KIAA0319: variants seen among roughly 807,000 people sequenced by gnomAD.
KIAA0319 encodes dyslexia-associated protein KIAA0319.
Under a neutral mutation model 108.4 loss-of-function variants are expected in KIAA0319, and 83 were observed. The observed-to-expected ratio is 0.77, with a 90% CI of 0.64 to 0.92. The LOEUF (loss-of-function observed/expected upper bound fraction) is 0.92, where lower values mean the gene tolerates loss of function less well. KIAA0319 is among the 40% of genes least tolerant of loss of function. The probability of loss-of-function intolerance (pLI) is 0.00; values close to 1 mark genes in which losing one functional copy is unlikely to be tolerated. For missense variants in KIAA0319, 1,195 were observed against 1,322.4 expected (o/e 0.90, Z 1.49); for synonymous variants, 484 against 510.4 (o/e 0.95, Z 0.70).
At chr6:24,626,486 C>G (rs993793211) in intron 1 of KIAA0319, among the ~76,000 whole-genome samples, 1 of 152,018 alleles carries the variant, frequency 6.6e-6, no homozygotes, top group African/African-American at 2.4e-5. Flanking sequence ...GAGCAGAGAT[C>G]GTGCCACTGC....
chr6:24,627,439 C>T (rs900270369), intron 1 of KIAA0319, among the ~76,000 whole-genome samples: 2 of 147,628 alleles, frequency 1.4e-5, no homozygotes, highest in African/African-American at 2.5e-5. Context: ...TCTTAGTGAG[C>T]ATTTTCCCTC....
chr6:24,634,643 A>G (rs1775976528), intron 1 of KIAA0319, among the ~76,000 whole-genome samples: 1 of 152,240 alleles, frequency 6.6e-6, no homozygotes. Flanking sequence ...GGGATTTTGC[A>G]GATATAATTA....
chr6:24,551,909 G>A (rs190392661), intron 19 of KIAA0319, among the ~76,000 whole-genome samples: 2 of 152,228 alleles, frequency 1.3e-5, no homozygotes, highest in African/African-American at 4.8e-5. Flanking sequence ...TATGTCCAAT[G>A]CTGCAGTAAT....
Position 24,599,402 on chromosome 6 carries a change from T to A in KIAA0319, c.55+1647A>T. On this transcript the variant is annotated intron_variant, in intron 2 of 20. Coordinates refer to ENST00000378214, the MANE Select transcript of KIAA0319 (RefSeq NM_014809.4). The surrounding 1 kb of genome is among the most constrained non-coding windows in gnomAD (Gnocchi z 4.1). Reference sequence around the variant, plus strand: ...GGGAGCTGGCCATTAAGGATGCCAATGCCAAGCTGTCCAAGCTGGAGGCCA... The same window carrying A: ...GGGAGCTGGCCATTAAGGATGCCAAAGCCAAGCTGTCCAAGCTGGAGGCCA... 1 of 546,622 alleles carries A rather than the reference T, an allele frequency of 1.8e-6. No homozygotes were observed. 33.9% of individuals were successfully genotyped at this position (546,622 alleles called of 1,614,324 possible).
At chr6:24,642,186 A>AAGAG (rs10684483) in intron 1 of KIAA0319, among the ~76,000 whole-genome samples, 94,259 of 137,508 alleles carry the variant, frequency 0.69, 32,976 homozygotes, top group East Asian at 0.87. Flanking sequence ...GAAAGAAAGA[A>AAGAG]AGAGAGAAAG....
At chr6:24,561,709 A>T (rs1398650238) in intron 16 of KIAA0319, among the ~76,000 whole-genome samples, 4 of 144,496 alleles carry the variant, frequency 2.8e-5, no homozygotes, top group Non-Finnish European at 6.1e-5. Context: ...TGCCTGGCTA[A>T]TTTTTTTTTT....
In KIAA0319 at chr6:24,599,378, G is replaced by C; in HGVS notation, c.55+1671C>G. The C allele has an allele frequency of 1.8e-6, 1 of 542,246 alleles. No individual in the cohort carries two copies. The allele number at this position is 542,246 out of a possible 1,614,324, so 33.6% of individuals were successfully genotyped here. A position where few individuals can be genotyped will look rare whatever the true frequency, so the allele number is the denominator to read the frequency against. On this transcript the variant is annotated intron_variant, in intron 2 of 20. Coordinates refer to ENST00000378214, the MANE Select transcript of KIAA0319 (RefSeq NM_014809.4). The surrounding 1 kb of genome is among the most constrained non-coding windows in gnomAD (Gnocchi z 4.1). The stretch of plus-strand genomic sequence containing the variant: ...CCATTGTGGATGCGGAGAAGCGTGG[G>C]GAGCTGGCCATTAAGGATGCCAATG...
chr6:24,618,215 G>A (rs1359451758), intron 1 of KIAA0319, among the ~76,000 whole-genome samples: 1 of 152,076 alleles, frequency 6.6e-6, no homozygotes, highest in Non-Finnish European at 1.5e-5. Flanking sequence ...GTTGTCCTGA[G>A]TTGTCAGTGC....
At chr6:24,636,445 T>C (rs1484772178) in intron 1 of KIAA0319, among the ~76,000 whole-genome samples, 1 of 152,214 alleles carries the variant, frequency 6.6e-6, no homozygotes, top group Non-Finnish European at 1.5e-5. Flanking sequence ...TACTAGCTTG[T>C]TATAACTTGT....
intron 14 of KIAA0319, among the ~76,000 whole-genome samples, 171 bp downstream of exon 14, chr6:24,566,426 G>C (rs1763908156): frequency 6.6e-6 from 1 of 152,326 alleles, no homozygotes; most frequent in Non-Finnish European, 1.5e-5. Context: ...AGCAACTTGA[G>C]CCTGTCTTCC....
intron 7 of KIAA0319, 110 bp from the exon 8 acceptor site, chr6:24,580,060 G>A (rs911553967): frequency 3.7e-6 from 3 of 821,444 alleles, no homozygotes; most frequent in Admixed American, 2.5e-5. Flanking sequence ...CTGTCAAGAA[G>A]GTGTTTATCC....
intron 1 of KIAA0319, among the ~76,000 whole-genome samples, chr6:24,637,377 C>A (rs1049799854): frequency 6.6e-6 from 1 of 152,174 alleles, no homozygotes; most frequent in Admixed American, 6.5e-5. Flanking sequence ...GGCGACTTTT[C>A]AAGAGTTTCA....
At chr6:24,584,025 C>T (rs1239024621) in intron 4 of KIAA0319, among the ~76,000 whole-genome samples, 1 of 152,072 alleles carries the variant, frequency 6.6e-6, no homozygotes, top group Non-Finnish European at 1.5e-5. Context: ...CCATTTTCTC[C>T]CTTGCTATCA....
intron 1 of KIAA0319, among the ~76,000 whole-genome samples, chr6:24,639,675 C>G (rs987879584): frequency 6.6e-6 from 1 of 151,946 alleles, no homozygotes; most frequent in Non-Finnish European, 1.5e-5. Context: ...TAGTGAAACC[C>G]CATTTCTACT....
chr6:24,572,816 C>CA, intron 10 of KIAA0319, 118 bp from the exon 11 acceptor site: 3 of 1,065,086 alleles, frequency 2.8e-6, no homozygotes, highest in East Asian at 5.6e-5. Context: ...AGATCTTGCT[C>CA]AAAAAAGAAA....
chr6:24,582,344 T>C lies in KIAA0319; in HGVS notation c.1096A>G (p.Thr366Ala), dbSNP rs1223325344. ...AFVAPAPPVE[T>A]TYNYEWNLIS... ...AAATTCCATTCATAGTTGTAGGTTGTTTCTGAGAGCAAAAAATAAATATGA... is the reference window on the plus strand; with the variant it reads ...AAATTCCATTCATAGTTGTAGGTTGCTTCTGAGAGCAAAAAATAAATATGA... Residue 366 changes from threonine to alanine, a missense_variant and splice_region_variant, in exon 6 of 21, where the codon ACA (threonine) becomes GCA (alanine). Coordinates refer to ENST00000378214, the MANE Select transcript of KIAA0319 (RefSeq NM_014809.4). 1.3e-6 allele frequency: 2 copies of C among 1,587,518 alleles called. No homozygotes were observed. The highest frequency in any genetic ancestry group is 1.7e-6 in the Non-Finnish European group (2 of 1,156,122).
chr6:24,608,910 G>A lies in KIAA0319; in HGVS notation c.-105-7702C>T, dbSNP rs538856943. ...CATGTCACTGCACTCCAGCCTGGGCGACAGAGGGAGACTCCGTCTCAAAAA... is the reference window on the plus strand; with the variant it reads ...CATGTCACTGCACTCCAGCCTGGGCAACAGAGGGAGACTCCGTCTCAAAAA... On this transcript the variant is annotated intron_variant, in intron 1 of 20. Transcript: ENST00000378214. Among the ~76,000 whole-genome samples, 76 of 108,518 alleles carry A rather than the reference G, an allele frequency of 7.0e-4. 1 individual carries two copies. The highest frequency in any genetic ancestry group is 7.0e-4 in the Admixed American group (5 of 7,174). 71.2% of individuals were successfully genotyped at this position (108,518 alleles called of 152,430 possible). A position where few individuals can be genotyped will look rare whatever the true frequency, so the allele number is the denominator to read the frequency against.
At chr6:24,602,580 C>T (rs907844311) in intron 1 of KIAA0319, among the ~76,000 whole-genome samples, 4 of 152,142 alleles carry the variant, frequency 2.6e-5, no homozygotes, top group African/African-American at 9.7e-5. Context: ...GCGGGTGGAT[C>T]ACGAGGTCAG....
chr6:24,645,241 CAT>C (rs1218728434), intron 1 of KIAA0319, among the ~76,000 whole-genome samples: 1 of 152,174 alleles, frequency 6.6e-6, no homozygotes, highest in African/African-American at 2.4e-5. Context: ...TAAAAGTGCA[CAT>C]GAGTATGTAT....
Sources: gnomAD v4.1 joint callset for allele counts (sites outside exome capture counted in the v4.1 genomes callset) on GRCh38, gnomAD v4.1.1 for gene constraint, Gnocchi (gnomAD v3.1) non-coding constraint, MANE v1.5 for transcripts, NCBI Gene and HGNC (gene_info 2026-07-23, HGNC 2026-07-21) for gene names.